Variants in LARGE1 observed in about 807,000 individuals in gnomAD.
LARGE1 encodes the protein xylosyl- and glucuronyltransferase LARGE1.
In LARGE1, 43 loss-of-function variants were observed where a neutral mutation model predicts 87.6. The observed-to-expected ratio is 0.49, with a 90% CI of 0.38 to 0.63. The LOEUF (loss-of-function observed/expected upper bound fraction) is 0.63, where lower values mean the gene tolerates loss of function less well. Among genes scored for constraint, LARGE1 ranks in the 30% least tolerant of loss-of-function variants. The pLI is 0.00. For missense variants in LARGE1, 802 were observed against 1,000.2 expected (o/e 0.80, Z 2.67); for synonymous variants, 434 against 394.6 (o/e 1.10, Z -1.18).
At chr22:33,483,430 C>A (rs2069419549) in intron 6 of LARGE1, among the ~76,000 whole-genome samples, 1 of 152,128 alleles carries the variant, frequency 6.6e-6, no homozygotes, top group Non-Finnish European at 1.5e-5. Flanking sequence ...TAGTGTCATG[C>A]AAAATTAGCT....
rs776024597 is a variant in LARGE1, at chr22:33,650,382, G to C, written c.393C>G (p.Val131=). 1 of 1,613,916 alleles carries C rather than the reference G, an allele frequency of 6.2e-7. No homozygotes were observed. The highest frequency in any genetic ancestry group is 2.2e-5 in the East Asian group (1 of 44,890). ...TGCCCTTTACCTCGCATTTCTCCAC[G>C]ACCGGCTGCTGCCCACACTCGGAGC... ...GNSSECGQQP[V]VEKCETIHVA... is the part of the protein sequence containing the mutation. Residue 131 remains valine (V), a synonymous_variant, in exon 3 of 15, where the codon GTC becomes GTG. Transcript: ENST00000397394.
At position 33,650,453 on chromosome 22, in the gene LARGE1, T is replaced by C. The variant is rs2080761074; in HGVS notation, c.322A>G (p.Thr108Ala). 1.9e-6 allele frequency: 3 copies of C among 1,614,024 alleles called. No homozygotes were observed. The highest frequency in any genetic ancestry group is 1.7e-5 in the Admixed American group (1 of 60,006). The change falls in exon 3 of 15, where the codon ACT becomes GCT. Residue 108 changes from threonine (T) to alanine (A), a missense_variant. Coordinates refer to ENST00000397394, the MANE Select transcript of LARGE1 (RefSeq NM_133642.5). ...GCCCGAAGGTTCTCGCTGTCTCCAG[T>C]GCCCTCCTCCATGGAGTAGGTCTTG... The part of the protein sequence containing the change: ...HSKTYSMEEG[T>A]GDSENLRAGI...
At chr22:33,090,999 A>G in the LARGE1 span, among the ~76,000 whole-genome samples, 1 of 152,112 alleles carries the variant, frequency 6.6e-6, no homozygotes, top group South Asian at 2.1e-4. Context: ...ATTGCCATCC[A>G]TCATCTTTAT....
intron 2 of LARGE1, among the ~76,000 whole-genome samples, chr22:33,676,458 A>G (rs962488442): frequency 1.3e-5 from 2 of 151,032 alleles, no homozygotes; most frequent in African/African-American, 4.8e-5. Context: ...TGAGGATGAC[A>G]TAAAATATAC....
chr22:33,476,856 C>T (rs1388699009), intron 6 of LARGE1, among the ~76,000 whole-genome samples: 1 of 152,136 alleles, frequency 6.6e-6, no homozygotes, highest in Non-Finnish European at 1.5e-5. Context: ...GCAGAACGTG[C>T]ACACAGGACC....
chr22:33,383,463 G>A (rs546588230), intron 8 of LARGE1, among the ~76,000 whole-genome samples: 48 of 152,260 alleles, frequency 3.2e-4, no homozygotes, highest in Non-Finnish European at 5.7e-4. Flanking sequence ...GGGAGGCTGA[G>A]GCAGGAGAAT....
chr22:33,761,585 C>T, intron 1 of LARGE1, 27 bp from the exon 2 acceptor site: 2 of 858,352 alleles, frequency 2.3e-6, no homozygotes, highest in East Asian at 2.6e-5. Context: ...AGAGGAAGGC[C>T]TGAGTTCTTA....
intron 6 of LARGE1, among the ~76,000 whole-genome samples, chr22:33,439,783 T>C (rs996289564): frequency 7.9e-5 from 12 of 152,200 alleles, no homozygotes; most frequent in African/African-American, 2.4e-4. Context: ...CAAAACTAAC[T>C]CCACAATCTT....
At chr22:33,802,049 A>G (rs1467985888) in intron 1 of LARGE1, among the ~76,000 whole-genome samples, 10 of 150,036 alleles carry the variant, frequency 6.7e-5, no homozygotes, top group Non-Finnish European at 3.0e-5. Flanking sequence ...AAAAAAAAAG[A>G]GGGGTTAACA....
chr22:33,269,889 C>T (rs1928154575), downstream of LARGE1, among the ~76,000 whole-genome samples: 1 of 151,748 alleles, frequency 6.6e-6, no homozygotes, highest in Non-Finnish European at 1.5e-5. Context: ...CCTGTAGTCC[C>T]AGCTACTCGG....
At chr22:33,781,557 T>C (rs1458033820) in intron 1 of LARGE1, among the ~76,000 whole-genome samples, 1 of 152,056 alleles carries the variant, frequency 6.6e-6, no homozygotes, top group South Asian at 2.1e-4. Context: ...GAGGAAAGAA[T>C]GCAGACAGCA....
chr22:33,921,360 G>T (rs1327516787), upstream of LARGE1, among the ~76,000 whole-genome samples: 1 of 152,244 alleles, frequency 6.6e-6, no homozygotes, highest in East Asian at 1.9e-4. This position sits in a 1 kb window ranked among gnomAD's most constrained non-coding sequence, Gnocchi z 4.1. Context: ...GGCTTGGCGT[G>T]CCTCGCGGAA....
chr22:33,098,368 C>T, the LARGE1 span, among the ~76,000 whole-genome samples: 1 of 152,042 alleles, frequency 6.6e-6, no homozygotes. Flanking sequence ...GCCTGTAATC[C>T]CAGCACTTTG....
At chr22:33,655,794 G>A (rs1204566451) in intron 2 of LARGE1, among the ~76,000 whole-genome samples, 1 of 152,042 alleles carries the variant, frequency 6.6e-6, no homozygotes, top group Admixed American at 6.6e-5. Context: ...GTTAAAAAAA[G>A]GCATAAAATG....
At chr22:33,535,313 G>T (rs562231706) in intron 6 of LARGE1, among the ~76,000 whole-genome samples, 2 of 152,270 alleles carry the variant, frequency 1.3e-5, no homozygotes, top group East Asian at 1.9e-4. Context: ...GGAGGCCGAG[G>T]TGGGTGGATC....
At chr22:33,144,777 G>A in the LARGE1 span, among the ~76,000 whole-genome samples, 1 of 152,082 alleles carries the variant, frequency 6.6e-6, no homozygotes, top group Admixed American at 6.6e-5. Context: ...AGCATGTAGA[G>A]ATAGAGCAGT....
At chr22:33,696,729 C>A (rs1346783247) in intron 2 of LARGE1, among the ~76,000 whole-genome samples, 1 of 152,156 alleles carries the variant, frequency 6.6e-6, no homozygotes, top group Non-Finnish European at 1.5e-5. Context: ...TCATTGTGGT[C>A]TTTCCTGCTT....
At chr22:33,534,974 T>C (rs868794697) in intron 6 of LARGE1, among the ~76,000 whole-genome samples, 1 of 152,212 alleles carries the variant, frequency 6.6e-6, no homozygotes, top group South Asian at 2.1e-4. Context: ...AATACGACTT[T>C]ACATGAGCAC....
rs1420128483 is a variant in LARGE1, at chr22:33,304,209, A to G, written c.1730+20T>C. The stretch of plus-strand genomic sequence containing the variant: ...CTATGTGCCTTCTGGCCTGATGGCC[A>G]GGCCCCTGCAGGTCCTTACCTGAGG... On this transcript the variant is annotated intron_variant, in intron 12 of 14. Coordinates refer to ENST00000397394, the MANE Select transcript of LARGE1 (RefSeq NM_133642.5). The G allele has an allele frequency of 6.2e-7, 1 of 1,613,838 alleles. No individual in the cohort carries two copies. Among genetic ancestry groups the G allele is most frequent in the African/African-American group, 1.3e-5 (1 of 75,074 alleles).
Sources: gnomAD v4.1 joint callset for allele counts (sites outside exome capture counted in the v4.1 genomes callset) on GRCh38, gnomAD v4.1.1 for gene constraint, Gnocchi (gnomAD v3.1) non-coding constraint, MANE v1.5 for transcripts, NCBI Gene and HGNC (gene_info 2026-07-23, HGNC 2026-07-21) for gene names.